Variants in CREBBP observed in about 807,000 individuals in gnomAD.
CREBBP encodes CREB-binding protein.
CREBBP carries 19 observed loss-of-function variants against 265.0 expected under a neutral mutation model. The ratio of observed to expected loss-of-function variants is 0.07; its 90% CI spans 0.05 to 0.11. The LOEUF (loss-of-function observed/expected upper bound fraction) is 0.11. CREBBP is among the 10% of genes least tolerant of loss of function. CREBBP has a pLI of 1.00. For synonymous variants in CREBBP, 1,457 were observed against 1,223.7 expected (o/e 1.19, Z -3.98); for missense variants, 2,525 against 3,219.0 (o/e 0.78, Z 5.22).
chr16:3,810,870 T>G, intron 2 of CREBBP, 91 bp from the exon 3 acceptor site: 1 of 1,280,182 alleles, frequency 7.8e-7, no homozygotes, highest in Non-Finnish European at 1.1e-6. Flanking sequence ...TCCTATGAAA[T>G]ACTCATTGCA....
At chr16:3,737,513 G>A (rs143632781) in intron 26 of CREBBP, among the ~76,000 whole-genome samples, 2,570 of 151,328 alleles carry the variant, frequency 0.017, 36 homozygotes, top group Non-Finnish European at 0.025. Flanking sequence ...AGGGTGGAGT[G>A]CAATGGCATG....
intron 3 of CREBBP, among the ~76,000 whole-genome samples, chr16:3,797,716 G>C (rs2053635615): frequency 6.6e-6 from 1 of 151,810 alleles, no homozygotes; most frequent in Non-Finnish European, 1.5e-5. Context: ...GTCTCCTAAA[G>C]GTGGTGCTTT....
intron 3 of CREBBP, among the ~76,000 whole-genome samples, chr16:3,801,880 C>T (rs1265317483): frequency 1.3e-5 from 2 of 152,098 alleles, no homozygotes; most frequent in Non-Finnish European, 2.9e-5. Flanking sequence ...GAGAGCCATA[C>T]TGGTTTAAAC....
At chr16:3,758,116 A>C (rs556659070) in intron 17 of CREBBP, 68 bp from the exon 18 acceptor site, 32 of 1,552,960 alleles carry the variant, frequency 2.1e-5, no homozygotes, top group Non-Finnish European at 2.4e-5. Context: ...CTCATCTGGC[A>C]GCTTTGTTTT....
At chr16:3,858,771 T>A (rs906139796) in intron 1 of CREBBP, among the ~76,000 whole-genome samples, 3 of 152,222 alleles carry the variant, frequency 2.0e-5, no homozygotes, top group African/African-American at 7.2e-5. Context: ...TAAGACTTTT[T>A]CCTATTGCCC....
At position 3,803,942 on chromosome 16, in the gene CREBBP, T is replaced by C. The variant is rs2053776955; in HGVS notation, c.975+6661A>G. Among the ~76,000 whole-genome samples the C allele has an allele frequency of 2.6e-5, 4 of 151,816 alleles. No individual in the cohort carries two copies. The South Asian group carries it at 8.3e-4, about 32-fold the overall frequency. On this transcript the variant is annotated intron_variant, in intron 3 of 30. Coordinates refer to ENST00000262367, the MANE Select transcript of CREBBP (RefSeq NM_004380.3). ...CAAAAAAAATACAAAAAATTTGCTG[T>C]GCATGGTGGCACGTGCCTGTGGTCC...
At chr16:3,767,621 T>G in intron 16 of CREBBP, 99 bp downstream of exon 16, 2 of 1,517,578 alleles carry the variant, frequency 1.3e-6, no homozygotes, top group Non-Finnish European at 9.1e-7. Flanking sequence ...AAAGGGCAGA[T>G]AGAATTATGT....
intron 1 of CREBBP, among the ~76,000 whole-genome samples, chr16:3,851,878 A>G (rs2054847746): frequency 7.2e-6 from 1 of 138,302 alleles, no homozygotes; most frequent in African/African-American, 2.9e-5. Context: ...AAAAAAAAAA[A>G]AGACAAAACA....
chr16:3,758,099 T>C (rs780474750), intron 17 of CREBBP, 51 bp from the exon 18 acceptor site: 69 of 1,600,224 alleles, frequency 4.3e-5, no homozygotes, highest in Middle Eastern at 1.7e-4. Context: ...AATATCCAAA[T>C]GCCAGTCTCA....
At position 3,770,667 on chromosome 16, in the gene CREBBP, G is replaced by A. The variant is rs768030911; in HGVS notation, c.2783C>T (p.Pro928Leu). ...VQAAAQAQVT[P>L]QPQTPVQPPS... ...GGGCTGAACTGGGGTTTGAGGCTGC[G>A]GGGTCACCTGGGCCTGGGCTGCTGC... The change falls in exon 14 of 31, where the codon CCG (proline) becomes CTG (leucine). Residue 928 changes from proline to leucine, a missense_variant. By Grantham distance (98) the Pro-to-Leu change is moderately conservative (BLOSUM62 -3). Transcript: ENST00000262367. 27 of 1,613,880 alleles carry A rather than the reference G, an allele frequency of 1.7e-5. No homozygotes were observed. Among genetic ancestry groups the A allele is most frequent in the South Asian group, 5.5e-5 (5 of 91,076 alleles).
intron 1 of CREBBP, among the ~76,000 whole-genome samples, chr16:3,855,017 A>C (rs1338139462): frequency 6.6e-6 from 1 of 152,252 alleles, no homozygotes; most frequent in Non-Finnish European, 1.5e-5. Flanking sequence ...ATGCATGTGC[A>C]ACTCAGGAAA....
At chr16:3,853,961 A>AACACAC (rs371504662) in intron 1 of CREBBP, among the ~76,000 whole-genome samples, 19 of 145,230 alleles carry the variant, frequency 1.3e-4, no homozygotes, top group African/African-American at 3.5e-4. Context: ...CAAACAAACA[A>AACACAC]ACACACACAC....
At chr16:3,848,236 C>G (rs367839510) in intron 2 of CREBBP, among the ~76,000 whole-genome samples, 1 of 151,742 alleles carries the variant, frequency 6.6e-6, no homozygotes, top group African/African-American at 2.4e-5. Flanking sequence ...TGGATACTGG[C>G]TGACATGAAG....
intron 2 of CREBBP, among the ~76,000 whole-genome samples, chr16:3,844,737 A>G (rs2054630937): frequency 6.6e-6 from 1 of 152,214 alleles, no homozygotes; most frequent in African/African-American, 2.4e-5. Flanking sequence ...AGAATAATTA[A>G]GATAACCCCA....
chr16:3,766,703 G>C (rs944236520), intron 16 of CREBBP, among the ~76,000 whole-genome samples: 7 of 152,008 alleles, frequency 4.6e-5, no homozygotes, highest in Non-Finnish European at 1.0e-4. Flanking sequence ...TTTTATTTTA[G>C]TTTTGTAGAG....
intron 1 of CREBBP, among the ~76,000 whole-genome samples, chr16:3,870,336 C>G (rs538363435): frequency 5.4e-4 from 82 of 152,320 alleles, no homozygotes; most frequent in Admixed American, 1.2e-3. Flanking sequence ...TTCAACCAAC[C>G]TGACTAAACT....
Position 3,749,356 on chromosome 16 carries a change from T to C in CREBBP, c.3836+271A>G, listed in dbSNP as rs370823584. ...CTAAATGGCTTCTTAAAGACACCCA[T>C]GACCAAATTATTAGAGAGGTTCTCA... is the stretch of plus-strand genomic sequence containing the variant. On this transcript the variant is annotated intron_variant, in intron 21 of 30. Coordinates refer to ENST00000262367, the MANE Select transcript of CREBBP (RefSeq NM_004380.3). Among the ~76,000 whole-genome samples the C allele has an allele frequency of 6.6e-5, 10 of 152,338 alleles. No individual in the cohort carries two copies. The South Asian group carries it at 1.2e-3, about 19-fold the overall frequency.
At chr16:3,794,527 T>C (rs2053570660) in intron 3 of CREBBP, among the ~76,000 whole-genome samples, 1 of 152,176 alleles carries the variant, frequency 6.6e-6, no homozygotes, top group East Asian at 1.9e-4. Flanking sequence ...TAATGACAGT[T>C]AGCCTTAATA....
chr16:3,875,457 C>T (rs914340403), intron 1 of CREBBP, among the ~76,000 whole-genome samples: 1 of 152,168 alleles, frequency 6.6e-6, no homozygotes, highest in Non-Finnish European at 1.5e-5. Flanking sequence ...CGAGCCCACA[C>T]ACGTCACGCT....
Sources: allele counts gnomAD v4.1 joint callset (sites outside exome capture counted in the v4.1 genomes callset), GRCh38; gene constraint gnomAD v4.1.1; transcripts MANE v1.5; gene names NCBI Gene and HGNC (gene_info 2026-07-23, HGNC 2026-07-21).